Variants in FOXP2 observed in about 807,000 individuals in gnomAD.
FOXP2 encodes the protein forkhead box P2, also known as forkhead box protein P2.
FOXP2 carries 12 observed loss-of-function variants against 115.8 expected under a neutral mutation model. The observed-to-expected ratio is 0.10, with a 90% CI of 0.07 to 0.17. The LOEUF (loss-of-function observed/expected upper bound fraction) is 0.17. FOXP2 is among the 10% of genes least tolerant of loss of function. FOXP2 has a pLI of 1.00. For synonymous variants in FOXP2, 328 were observed against 297.7 expected, an observed-to-expected ratio of 1.10 and a Z score of -1.05; for missense variants, 629 against 843.5, an observed-to-expected ratio of 0.75 and a Z score of 3.15.
chr7:114,234,431 A>G (rs1794960109), intron 1 of FOXP2, among the ~76,000 whole-genome samples: 1 of 152,248 alleles, frequency 6.6e-6, no homozygotes, highest in Admixed American at 6.5e-5. Flanking sequence ...AAATAGCATT[A>G]CTAAACATCC....
intron 1 of FOXP2, among the ~76,000 whole-genome samples, chr7:114,212,122 A>AATAAT (rs67192679): frequency 3.1e-5 from 4 of 131,016 alleles, no homozygotes; most frequent in African/African-American, 1.2e-4. Flanking sequence ...AATAAAATAA[A>AATAAT]ATATATATAT....
intron 2 of FOXP2, among the ~76,000 whole-genome samples, chr7:114,354,638 A>G (rs1026367918): frequency 1.3e-5 from 2 of 151,996 alleles, no homozygotes; most frequent in African/African-American, 4.8e-5. Context: ...TGTCATCTCA[A>G]TTCTACCTTA....
intron 2 of FOXP2, among the ~76,000 whole-genome samples, chr7:114,395,883 A>T (rs1010206205): frequency 2.0e-5 from 3 of 151,516 alleles, no homozygotes; most frequent in East Asian, 1.9e-4. Context: ...TTTTAAAAAA[A>T]TTTTTTCTAA....
chr7:114,142,872 G>A (rs533692840), intron 1 of FOXP2, among the ~76,000 whole-genome samples: 1 of 152,070 alleles, frequency 6.6e-6, no homozygotes, highest in East Asian at 1.9e-4. Flanking sequence ...TTCTGACCAC[G>A]GATGGTGGCT....
At chr7:114,330,510 A>T (rs1797679883) in intron 2 of FOXP2, among the ~76,000 whole-genome samples, 1 of 149,688 alleles carries the variant, frequency 6.7e-6, no homozygotes, top group Non-Finnish European at 1.5e-5. Context: ...GTATATATAT[A>T]TATGTACACA....
At chr7:114,446,308 A>G (rs771857634) in intron 2 of FOXP2, among the ~76,000 whole-genome samples, 6 of 151,930 alleles carry the variant, frequency 3.9e-5, no homozygotes, top group African/African-American at 9.7e-5. Context: ...TTATACTACC[A>G]TAATTAATTA....
In FOXP2 at chr7:114,664,230, A is replaced by G. The variant is rs1311374616; in HGVS notation, c.1840-43A>G. The G allele has an allele frequency of 1.9e-6, 3 of 1,604,130 alleles. No homozygotes were observed. The South Asian group carries it at 3.3e-5, about 18-fold the overall frequency. ...ATACATGTTTTAAAAATTATTTTAAATGCCATTTTGAAAGTTGTTTTACAC... is the reference window on the plus strand; with the variant it reads ...ATACATGTTTTAAAAATTATTTTAAGTGCCATTTTGAAAGTTGTTTTACAC... On this transcript the variant is annotated intron_variant, in intron 15 of 16. Transcript: ENST00000350908.
At chr7:114,404,484 A>G (rs1489094604) in intron 2 of FOXP2, among the ~76,000 whole-genome samples, 10 of 152,148 alleles carry the variant, frequency 6.6e-5, no homozygotes, top group Non-Finnish European at 1.5e-4. Flanking sequence ...TAAAGTCTAC[A>G]TAAACCTATT....
At chr7:114,291,771 T>C (rs1796595733) in intron 2 of FOXP2, among the ~76,000 whole-genome samples, 1 of 149,584 alleles carries the variant, frequency 6.7e-6, no homozygotes, top group Non-Finnish European at 1.5e-5. Context: ...CAAATAGCAG[T>C]CTTGCTACTT....
intron 1 of FOXP2, among the ~76,000 whole-genome samples, chr7:114,149,205 A>AT (rs887712668): frequency 1.1e-4 from 17 of 151,284 alleles, no homozygotes; most frequent in African/African-American, 3.4e-4. Flanking sequence ...AAAGTGTTCA[A>AT]TTTTTTTTTC....
chr7:114,311,115 G>A (rs1410015622), intron 2 of FOXP2, among the ~76,000 whole-genome samples: 1 of 152,006 alleles, frequency 6.6e-6, no homozygotes, highest in Non-Finnish European at 1.5e-5. Flanking sequence ...TTTCCCTGGC[G>A]CTGGCTGTGA....
intron 2 of FOXP2, among the ~76,000 whole-genome samples, chr7:114,369,817 A>G (rs1791961797): frequency 6.6e-6 from 1 of 152,102 alleles, no homozygotes; most frequent in Admixed American, 6.6e-5. Context: ...TGCTTAATCG[A>G]GTTCCTTCTA....
At chr7:114,286,208 G>T (rs1584608492) in intron 1 of FOXP2, among the ~76,000 whole-genome samples, 1 of 151,950 alleles carries the variant, frequency 6.6e-6, no homozygotes, top group South Asian at 2.1e-4. Flanking sequence ...TCTCATGTAT[G>T]TATGAGCTGT....
chr7:114,307,480 A>T (rs574436165), intron 2 of FOXP2, among the ~76,000 whole-genome samples: 2 of 152,280 alleles, frequency 1.3e-5, no homozygotes, highest in East Asian at 3.9e-4. Context: ...AAACAGGTGG[A>T]CCAAAAAAGA....
intron 3 of FOXP2, among the ~76,000 whole-genome samples, chr7:114,539,760 T>A (rs1002698431): frequency 6.6e-6 from 1 of 152,022 alleles, no homozygotes; most frequent in Non-Finnish European, 1.5e-5. Context: ...TGACACCCTG[T>A]GGAGGAGGGT....
intron 1 of FOXP2, among the ~76,000 whole-genome samples, chr7:114,280,117 T>A (rs895000428): frequency 2.0e-5 from 3 of 150,510 alleles, no homozygotes; most frequent in African/African-American, 7.3e-5. Context: ...AATAAATAAA[T>A]AAATAAAAAC....
intron 2 of FOXP2, among the ~76,000 whole-genome samples, chr7:114,505,855 G>T (rs1380710186): frequency 6.6e-6 from 1 of 151,736 alleles, no homozygotes; most frequent in South Asian, 2.1e-4. Context: ...GAACATAGTA[G>T]TAGACCTGCT....
chr7:114,500,961 T>C (rs1015048237), intron 2 of FOXP2, among the ~76,000 whole-genome samples: 2 of 152,174 alleles, frequency 1.3e-5, no homozygotes, highest in African/African-American at 2.4e-5. Context: ...TATAAATGCA[T>C]ATCACAACTC....
intron 2 of FOXP2, among the ~76,000 whole-genome samples, chr7:114,525,084 T>A (rs1366359397): frequency 6.6e-6 from 1 of 152,152 alleles, no homozygotes; most frequent in Non-Finnish European, 1.5e-5. Context: ...TAAATGCATA[T>A]TGAGGTAAAC....
Sources: gnomAD v4.1 joint callset for allele counts (sites outside exome capture counted in the v4.1 genomes callset) on GRCh38, gnomAD v4.1.1 for gene constraint, MANE v1.5 for transcripts, NCBI Gene and HGNC (gene_info 2026-07-23, HGNC 2026-07-21) for gene names.